SLC9B2: variants seen among roughly 807,000 people sequenced by gnomAD.
SLC9B2 encodes the protein solute carrier family 9 member B2, also known as sodium/hydrogen exchanger 9B2.
In SLC9B2, 39 loss-of-function variants were observed where a neutral mutation model predicts 52.2. The ratio of observed to expected loss-of-function variants is 0.75; its 90% CI spans 0.58 to 0.98. The LOEUF is 0.98. Ranked by LOEUF, SLC9B2 falls within the 50% of genes least tolerant of loss-of-function variation. The probability of loss-of-function intolerance (pLI) is 0.00; values close to 1 mark genes in which losing one functional copy is unlikely to be tolerated. For synonymous variants in SLC9B2, 214 were observed against 227.0 expected (o/e 0.94, Z 0.51); for missense variants, 626 against 637.5 (o/e 0.98, Z 0.19).
intron 11 of SLC9B2, among the ~76,000 whole-genome samples, chr4:103,027,595 A>G (rs995049964): frequency 6.6e-6 from 1 of 152,192 alleles, no homozygotes; most frequent in African/African-American, 2.4e-5. Flanking sequence ...CCCTTATTCC[A>G]CAGAGAACAA....
rs979038120 is a variant in SLC9B2 at position 103,024,807 on chromosome 4, A to C, written c.*1563T>G. ...AGAAGATGACCTAGAGTGAAGAGGA[A>C]CTTATGAGTGATACACAAAAGCAGA... On this transcript the variant is annotated 3_prime_UTR_variant, in exon 12 of 12. Transcript: ENST00000394785. Among the ~76,000 whole-genome samples the C allele has an allele frequency of 2.0e-5, 3 of 152,216 alleles. No individual in the cohort carries two copies. Among genetic ancestry groups the C allele is most frequent in the Admixed American group, 6.5e-5 (1 of 15,282 alleles).
rs1741850700 is a variant in SLC9B2 at position 103,022,393 on chromosome 4, C to T, written c.*3977G>A. Among the ~76,000 whole-genome samples, 1 of 152,128 alleles carries T rather than the reference C, an allele frequency of 6.6e-6. No homozygotes were observed. Among genetic ancestry groups the T allele is most frequent in the African/African-American group, 2.4e-5 (1 of 41,422 alleles). On this transcript the variant is annotated 3_prime_UTR_variant, in exon 12 of 12. Transcript: ENST00000394785. ...AGCCAAATATGAAATACTTATGTTG[C>T]CTTTCACCCAACAAATTCAGTTGAT... is the stretch of plus-strand genomic sequence containing the variant.
At chr4:103,050,151 A>C (rs1244256928) in intron 5 of SLC9B2, 89 bp downstream of exon 5, 1 of 1,186,812 alleles carries the variant, frequency 8.4e-7, no homozygotes, top group African/African-American at 1.6e-5. Context: ...GTCCACATCC[A>C]TTTCCTAATG....
chr4:103,037,412 T>C (rs1346401761), intron 9 of SLC9B2, among the ~76,000 whole-genome samples: 1 of 152,208 alleles, frequency 6.6e-6, no homozygotes, highest in East Asian at 1.9e-4. Context: ...CTATTGACAA[T>C]GCTAAAATGA....
intron 10 of SLC9B2, among the ~76,000 whole-genome samples, chr4:103,029,928 C>T (rs143146448): frequency 1.5e-4 from 23 of 152,120 alleles, no homozygotes; most frequent in South Asian, 1.0e-3. Context: ...ACAGACATAG[C>T]GGGAGGATCT....
chr4:103,058,119 G>C, intron 3 of SLC9B2, 148 bp from the exon 4 acceptor site: 1 of 743,352 alleles, frequency 1.3e-6, no homozygotes, highest in Non-Finnish European at 2.1e-6. Context: ...TCAGTAAGAT[G>C]ACCAACTGGG....
At chr4:103,045,105 A>G (rs1205098088) in intron 7 of SLC9B2, 109 bp from the exon 8 acceptor site, 4 of 715,316 alleles carry the variant, frequency 5.6e-6, no homozygotes, top group Non-Finnish European at 9.4e-6. Flanking sequence ...AACATTTTAA[A>G]GACAGTTTCT....
intron 4 of SLC9B2, among the ~76,000 whole-genome samples, chr4:103,057,064 C>A (rs1316904853): frequency 6.6e-6 from 1 of 151,780 alleles, no homozygotes; most frequent in East Asian, 1.9e-4. Context: ...TCTACCATGG[C>A]CGATTTTAAG....
At chr4:103,021,910 C>A (rs1277853010), downstream of SLC9B2, among the ~76,000 whole-genome samples, 1 of 152,220 alleles carries the variant, frequency 6.6e-6, no homozygotes, top group African/African-American at 2.4e-5. Context: ...CCCATCCATC[C>A]AGATCCTCTC....
intron 9 of SLC9B2, among the ~76,000 whole-genome samples, chr4:103,032,227 C>T (rs552304387): frequency 3.0e-4 from 45 of 152,024 alleles, no homozygotes; most frequent in Non-Finnish European, 5.1e-4. Context: ...TCTAGATATG[C>T]CCCTATTACT....
At chr4:103,050,443 C>T (rs1303519111) in intron 4 of SLC9B2, 61 bp from the exon 5 acceptor site, 4 of 1,443,954 alleles carry the variant, frequency 2.8e-6, no homozygotes, top group East Asian at 5.2e-5. Context: ...ATTTTTAGTA[C>T]TTTAATTTTA....
At position 103,044,883 on chromosome 4, in the gene SLC9B2, C is replaced by A; in HGVS notation, c.996+7G>T. The A allele has an allele frequency of 3.7e-6, 6 of 1,605,814 alleles. No individual in the cohort carries two copies. The highest frequency in any genetic ancestry group is 5.1e-6 in the Non-Finnish European group (6 of 1,172,814). ...AGCACAACTTTCCCACATATTATTT[C>A]TTTCACCTGGTCACGGCTTGGAAAG... On this transcript the variant is annotated splice_region_variant and intron_variant, in intron 8 of 11. Transcript: ENST00000394785.
intron 8 of SLC9B2, among the ~76,000 whole-genome samples, chr4:103,044,421 T>C (rs1002118625): frequency 6.6e-6 from 1 of 152,172 alleles, no homozygotes; most frequent in Admixed American, 6.5e-5. Context: ...TGTGTATGCA[T>C]GTATGTATTA....
Position 103,043,338 on chromosome 4 carries a change from C to T in SLC9B2, c.1104G>A (p.Leu368=), listed in dbSNP as rs1279549927. 1.2e-6 allele frequency: 2 copies of T among 1,612,908 alleles called. No homozygotes were observed. The highest frequency in any genetic ancestry group is 1.7e-6 in the Non-Finnish European group (2 of 1,179,646). ...GFPGSGGLCT[L]VMAFLAGMGW... is the part of the protein sequence containing the mutation. Reference sequence around the variant, plus strand: ...CCATGCCTGCAAGGAAAGCCATGACCAACGTGCACAGTCCTCCTGATCCAG... The same window carrying T: ...CCATGCCTGCAAGGAAAGCCATGACTAACGTGCACAGTCCTCCTGATCCAG... The change falls in exon 9 of 12, where the codon TTG becomes TTA. Residue 368 remains leucine (L), a synonymous_variant. Coordinates refer to ENST00000394785, the MANE Select transcript of SLC9B2 (RefSeq NM_178833.7).
At chr4:103,026,639 T>A in intron 11 of SLC9B2, 48 bp from the exon 12 acceptor site, 5 of 1,531,244 alleles carry the variant, frequency 3.3e-6, no homozygotes, top group Non-Finnish European at 4.4e-6. Context: ...GATAAGCACA[T>A]ATAAAAAAAG....
At position 103,025,220 on chromosome 4, in the gene SLC9B2, A is replaced by T. The variant is rs1466911955; in HGVS notation, c.*1150T>A. Among the ~76,000 whole-genome samples, 1 of 152,224 alleles carries T rather than the reference A, an allele frequency of 6.6e-6. No individual in the cohort carries two copies. The highest frequency in any genetic ancestry group is 1.5e-5 in the Non-Finnish European group (1 of 68,028). ...TACTTGCATTTTCCTTGAGAGATAG[A>T]ATGGAGATATGGTAGAGATCCATTT... On this transcript the variant is annotated 3_prime_UTR_variant, in exon 12 of 12. Transcript: ENST00000394785.
chr4:103,056,664 G>C (rs1399172552), intron 4 of SLC9B2, among the ~76,000 whole-genome samples: 1 of 152,208 alleles, frequency 6.6e-6, no homozygotes, highest in African/African-American at 2.4e-5. Flanking sequence ...TGATATAAAG[G>C]ATGTGCAGCA....
chr4:103,071,088 G>A (rs1462500366), intron 1 of SLC9B2, among the ~76,000 whole-genome samples: 2 of 152,050 alleles, frequency 1.3e-5, no homozygotes, highest in African/African-American at 4.8e-5. Context: ...AACAGCAGTT[G>A]CCTTTGGGAA....
chr4:103,026,544 C>A lies in SLC9B2; in HGVS notation c.1440G>T (p.Glu480Asp). The change falls in exon 12 of 12, where the codon GAG becomes GAT. Residue 480 changes from glutamate to aspartate, a missense_variant. Coordinates refer to ENST00000394785, the MANE Select transcript of SLC9B2 (RefSeq NM_178833.7). ...CCATTCCATAGTCTTCTAATTGTTTCTCTCCATGTGACCTTGCTGTGTCCA... is the reference window on the plus strand; with the variant it reads ...CCATTCCATAGTCTTCTAATTGTTTATCTCCATGTGACCTTGCTGTGTCCA... ...VALDTARSHGEKQLEDYGMDV... is the reference protein window; with the variant it reads ...VALDTARSHGDKQLEDYGMDV... 6.2e-7 allele frequency: 1 copy of A among 1,613,910 alleles called. No individual in the cohort carries two copies. The highest frequency in any genetic ancestry group is 8.5e-7 in the Non-Finnish European group (1 of 1,179,880).
Sources: gnomAD v4.1 joint callset for allele counts (sites outside exome capture counted in the v4.1 genomes callset) on GRCh38, gnomAD v4.1.1 for gene constraint, MANE v1.5 for transcripts, NCBI Gene and HGNC (gene_info 2026-07-23, HGNC 2026-07-21) for gene names.